The following CSMD1 variants were observed in gnomAD, a reference collection of about 807,000 sequenced individuals.
The protein encoded by CSMD1 is CUB and Sushi multiple domains 1, also known as CUB and sushi domain-containing protein 1.
In CSMD1, 213 loss-of-function variants were observed where a neutral mutation model predicts 417.5. That is an observed-to-expected ratio of 0.51 (90% CI 0.46 to 0.57). The LOEUF (loss-of-function observed/expected upper bound fraction) is 0.57, where lower values mean the gene tolerates loss of function less well. Among genes scored for constraint, CSMD1 ranks in the 20% least tolerant of loss-of-function variants. The pLI is 0.00. For synonymous variants in CSMD1, 2,862 were observed against 1,736.8 expected (o/e 1.65, Z -16.11); for missense variants, 6,923 against 4,529.7 (o/e 1.53, Z -15.17).
chr8:3,662,040 G>C (rs775327575), intron 7 of CSMD1, among the ~76,000 whole-genome samples: 11 of 152,154 alleles, frequency 7.2e-5, no homozygotes, highest in African/African-American at 1.9e-4. Flanking sequence ...CGAAGTCGTA[G>C]AAAACATGAA....
At chr8:3,058,851 C>T (rs1287707009) in intron 49 of CSMD1, among the ~76,000 whole-genome samples, 2 of 152,036 alleles carry the variant, frequency 1.3e-5, no homozygotes, top group African/African-American at 4.8e-5. Flanking sequence ...CTAGCAGGAT[C>T]CACACAAATG....
At chr8:4,826,707 G>C (rs186853666) in intron 1 of CSMD1, among the ~76,000 whole-genome samples, 163 of 152,176 alleles carry the variant, frequency 1.1e-3, no homozygotes, top group Non-Finnish European at 1.9e-3. Context: ...CCTGCGCTCT[G>C]CCTTTCGTGA....
At chr8:4,440,598 C>T (rs1563175631) in intron 2 of CSMD1, among the ~76,000 whole-genome samples, 1 of 152,158 alleles carries the variant, frequency 6.6e-6, no homozygotes, top group Non-Finnish European at 1.5e-5. Context: ...TTAGCATTTT[C>T]TCTGGAAAGA....
chr8:3,005,064 G>A (rs1318577197), intron 52 of CSMD1, among the ~76,000 whole-genome samples: 3 of 152,130 alleles, frequency 2.0e-5, no homozygotes, highest in African/African-American at 4.8e-5. Context: ...GCTTGAACCC[G>A]GGAGGCAGAG....
rs1216841079 is a variant in CSMD1, at chr8:3,795,894, G to T, written c.819-41852C>A. 2.6e-4 allele frequency among the ~76,000 whole-genome samples: 7 copies of T among 27,178 alleles called. 1 individual carries two copies. Among genetic ancestry groups the T allele is most frequent in the East Asian group, 1.6e-3 (2 of 1,244 alleles). The allele number at this position is 27,178 out of a possible 152,430, so 17.8% of individuals were successfully genotyped here. A position where few individuals can be genotyped will look rare whatever the true frequency, so the allele number is the denominator to read the frequency against. On this transcript the variant is annotated intron_variant, in intron 5 of 69. Coordinates refer to ENST00000635120, the MANE Select transcript of CSMD1 (RefSeq NM_033225.6). ...TATAGATATATATCTATCATGTACAGATATATATATCATGTACAGATATAG... is the reference window on the plus strand; with the variant it reads ...TATAGATATATATCTATCATGTACATATATATATATCATGTACAGATATAG...
intron 4 of CSMD1, among the ~76,000 whole-genome samples, chr8:4,008,192 G>C (rs755506322): frequency 6.7e-4 from 102 of 152,048 alleles, no homozygotes; most frequent in Non-Finnish European, 1.2e-3. Context: ...AAGCTACAGG[G>C]CAGCTGGAAA....
At chr8:4,943,779 T>A (rs1411253680) in intron 1 of CSMD1, among the ~76,000 whole-genome samples, 1 of 152,126 alleles carries the variant, frequency 6.6e-6, no homozygotes, top group African/African-American at 2.4e-5. Context: ...TCCCTGAAAA[T>A]TGCATGTTAG....
At chr8:4,562,781 A>G (rs1798405803) in intron 2 of CSMD1, among the ~76,000 whole-genome samples, 1 of 152,130 alleles carries the variant, frequency 6.6e-6, no homozygotes, top group African/African-American at 2.4e-5. Flanking sequence ...TATATATCCT[A>G]AAAGGTATAT....
At chr8:4,819,321 T>C (rs1156371757) in intron 1 of CSMD1, among the ~76,000 whole-genome samples, 2 of 152,198 alleles carry the variant, frequency 1.3e-5, no homozygotes, top group African/African-American at 2.4e-5. Context: ...TTAGACAACA[T>C]AGCTCATATT....
chr8:3,650,741 T>A (rs1424442472), intron 7 of CSMD1, among the ~76,000 whole-genome samples: 1 of 152,236 alleles, frequency 6.6e-6, no homozygotes, highest in Non-Finnish European at 1.5e-5. Flanking sequence ...GATGACTTCT[T>A]CAGCATTTCT....
intron 5 of CSMD1, among the ~76,000 whole-genome samples, chr8:3,984,784 T>C (rs559846230): frequency 6.9e-6 from 1 of 144,036 alleles, no homozygotes; most frequent in Non-Finnish European, 1.5e-5. Flanking sequence ...TGTGTGTGTG[T>C]GGGTGTAAAG....
intron 11 of CSMD1, among the ~76,000 whole-genome samples, chr8:3,481,518 C>G (rs1361228209): frequency 1.3e-5 from 2 of 152,158 alleles, no homozygotes; most frequent in African/African-American, 4.8e-5. Flanking sequence ...CACTCCTGTC[C>G]AATCCTGCTC....
Position 3,213,976 on chromosome 8 carries a change from G to A in CSMD1, c.4867+521C>T, listed in dbSNP as rs941818019. Among the ~76,000 whole-genome samples the A allele has an allele frequency of 2.0e-5, 3 of 151,830 alleles. No individual in the cohort carries two copies. The South Asian group carries it at 6.2e-4, about 32-fold the overall frequency. On this transcript the variant is annotated intron_variant, in intron 30 of 69. Transcript: ENST00000635120. Reference sequence around the variant, plus strand: ...TTCTCCTGCCTCACCCTACTGAGTAGCTGGGATCACAGGCACGCACCACCA... The same window carrying A: ...TTCTCCTGCCTCACCCTACTGAGTAACTGGGATCACAGGCACGCACCACCA...
chr8:4,290,629 G>C (rs1797309254), intron 3 of CSMD1, among the ~76,000 whole-genome samples: 1 of 152,182 alleles, frequency 6.6e-6, no homozygotes, highest in East Asian at 1.9e-4. Context: ...ATTTAGGAAA[G>C]ATTCCTTGTG....
chr8:3,616,630 G>C (rs754605504), intron 8 of CSMD1, 80 bp downstream of exon 8: 8 of 878,682 alleles, frequency 9.1e-6, no homozygotes, highest in Non-Finnish European at 1.5e-5. Flanking sequence ...AAGAACAAAA[G>C]AGTTAAATTT....
chr8:3,552,949 G>C (rs1157968407), intron 10 of CSMD1, among the ~76,000 whole-genome samples: 3 of 152,084 alleles, frequency 2.0e-5, no homozygotes, highest in African/African-American at 7.2e-5. Flanking sequence ...ATAAAACACA[G>C]AGAAGATTTA....
chr8:3,567,865 G>C (rs1365170477), intron 10 of CSMD1, among the ~76,000 whole-genome samples: 1 of 152,016 alleles, frequency 6.6e-6, no homozygotes, highest in Non-Finnish European at 1.5e-5. Flanking sequence ...TATATAGTTG[G>C]ACTCCTTATC....
chr8:3,688,968 A>T (rs1436301588), intron 7 of CSMD1, among the ~76,000 whole-genome samples: 2 of 152,202 alleles, frequency 1.3e-5, no homozygotes, highest in African/African-American at 4.8e-5. Flanking sequence ...TATGAAATTA[A>T]AAAGGGTTAC....
At chr8:4,164,831 G>C (rs902152141) in intron 3 of CSMD1, among the ~76,000 whole-genome samples, 5 of 151,490 alleles carry the variant, frequency 3.3e-5, no homozygotes, top group Middle Eastern at 3.2e-3. Flanking sequence ...AGCTGACATT[G>C]TGCCACTGCA....
Sources: allele counts gnomAD v4.1 joint callset (sites outside exome capture counted in the v4.1 genomes callset), GRCh38; gene constraint gnomAD v4.1.1; transcripts MANE v1.5; gene names NCBI Gene and HGNC (gene_info 2026-07-23, HGNC 2026-07-21).